CPNE4: variants seen among roughly 807,000 people sequenced by gnomAD.
CPNE4 encodes copine-4.
A neutral mutation model predicts 67.9 loss-of-function variants in CPNE4; 25 were observed. The observed-to-expected ratio is 0.37, with a 90% CI of 0.27 to 0.51. CPNE4 has a LOEUF of 0.51. Among genes scored for constraint, CPNE4 ranks in the 20% least tolerant of loss-of-function variants. The probability of loss-of-function intolerance (pLI) is 0.93; values close to 1 mark genes in which losing one functional copy is unlikely to be tolerated. For synonymous variants in CPNE4, 242 were observed against 244.9 expected (o/e 0.99, Z 0.11); for missense variants, 464 against 690.8 (o/e 0.67, Z 3.68).
intron 2 of CPNE4, among the ~76,000 whole-genome samples, chr3:131,773,803 CTG>C (rs745743985): frequency 3.3e-5 from 5 of 152,098 alleles, no homozygotes; most frequent in African/African-American, 1.2e-4. Flanking sequence ...TTTTTAATAA[CTG>C]TGAAATCTCG....
chr3:131,812,220 GAA>G (rs34281349), intron 2 of CPNE4, among the ~76,000 whole-genome samples: 15,364 of 135,088 alleles, frequency 0.11, 855 homozygotes, highest in East Asian at 0.18. Context: ...AAAATTGGAA[GAA>G]AAAAAAAAAA....
intron 6 of CPNE4, among the ~76,000 whole-genome samples, chr3:131,684,407 T>C (rs2080834514): frequency 6.6e-6 from 1 of 152,276 alleles, no homozygotes; most frequent in Admixed American, 6.5e-5. Context: ...TACATTGTTC[T>C]ATAGCATGCA....
chr3:131,965,582 C>T (rs910683653), intron 1 of CPNE4, among the ~76,000 whole-genome samples: 2 of 152,134 alleles, frequency 1.3e-5, no homozygotes, highest in Non-Finnish European at 2.9e-5. Flanking sequence ...ATGCTAGTCT[C>T]TGATAAAACA....
At position 131,792,156 on chromosome 3, in the gene CPNE4, C is replaced by T. The variant is rs544451373; in HGVS notation, c.181-68531G>A. Among the ~76,000 whole-genome samples, 8 of 152,026 alleles carry T rather than the reference C, an allele frequency of 5.3e-5. No homozygotes were observed. In the South Asian group the frequency reaches 1.5e-3, roughly 28 times the overall value. ...AACATGAAATGATATAGGGGTGTTG[C>T]CATTGAAAAGTTTATTCTTGCCCCC... On this transcript the variant is annotated intron_variant, in intron 2 of 15. Transcript: ENST00000429747.
In CPNE4 at chr3:131,547,455, C is replaced by CAAAAAAAAAAAAAAA. The variant is rs56412825; in HGVS notation, c.1302+2477_1302+2491dup. Among the ~76,000 whole-genome samples the CAAAAAAAAAAAAAAA allele has an allele frequency of 9.0e-4, 33 of 36,524 alleles. 15 individuals carry two copies. Among genetic ancestry groups the CAAAAAAAAAAAAAAA allele is most frequent in the African/African-American group, 1.7e-3 (20 of 11,662 alleles). The allele number at this position is 36,524 out of a possible 152,430, so 24.0% of individuals were successfully genotyped here. A position where few individuals can be genotyped will look rare whatever the true frequency, so the allele number is the denominator to read the frequency against. On this transcript the variant is annotated intron_variant, in intron 14 of 15. Coordinates refer to ENST00000429747, the MANE Select transcript of CPNE4 (RefSeq NM_130808.3). ...TGGGTGATAGACCAAGACCCTGTCG[C>CAAAAAAAAAAAAAAA]AAAAAAAAAAAAAAAAAAAAAAAAA... is the stretch of plus-strand genomic sequence containing the variant.
At chr3:131,902,997 G>A (rs905482120) in intron 2 of CPNE4, among the ~76,000 whole-genome samples, 5 of 152,084 alleles carry the variant, frequency 3.3e-5, no homozygotes, top group African/African-American at 1.2e-4. Context: ...TTCTGTGTAT[G>A]TTGACTCCTC....
chr3:131,886,454 G>A (rs963115579), intron 2 of CPNE4, among the ~76,000 whole-genome samples: 1 of 152,230 alleles, frequency 6.6e-6, no homozygotes, highest in African/African-American at 2.4e-5. Flanking sequence ...ATGTAGAAGA[G>A]AAATGTGGGG....
At chr3:131,605,901 A>C (rs1939472339) in intron 7 of CPNE4, among the ~76,000 whole-genome samples, 1 of 152,188 alleles carries the variant, frequency 6.6e-6, no homozygotes, top group African/African-American at 2.4e-5. Flanking sequence ...GAATAGTTTA[A>C]TATTTGGCCA....
At chr3:131,627,583 T>C (rs947460488) in intron 7 of CPNE4, among the ~76,000 whole-genome samples, 7 of 152,234 alleles carry the variant, frequency 4.6e-5, no homozygotes, top group Non-Finnish European at 8.8e-5. Flanking sequence ...CTGATGGATC[T>C]GGGCAAAGTA....
chr3:131,908,359 G>A (rs939856792), intron 1 of CPNE4, among the ~76,000 whole-genome samples: 2 of 152,156 alleles, frequency 1.3e-5, no homozygotes, highest in Admixed American at 6.6e-5. Context: ...AGCAAAGGGA[G>A]AAAAAGAATC....
At chr3:131,801,127 G>T (rs980309235) in intron 2 of CPNE4, among the ~76,000 whole-genome samples, 1 of 151,640 alleles carries the variant, frequency 6.6e-6, no homozygotes, top group Non-Finnish European at 1.5e-5. Context: ...GATACTCATG[G>T]GTAGCCTCCA....
intron 2 of CPNE4, among the ~76,000 whole-genome samples, chr3:131,738,868 T>TC (rs2082298353): frequency 6.6e-6 from 1 of 151,160 alleles, no homozygotes; most frequent in Non-Finnish European, 1.5e-5. Flanking sequence ...TTTTTTTTTT[T>TC]CTTAAGATGG....
chr3:132,000,241 AAGAT>A, intron 1 of CPNE4, among the ~76,000 whole-genome samples: 1 of 152,150 alleles, frequency 6.6e-6, no homozygotes, highest in South Asian at 2.1e-4. Context: ...TGGGCCCAGA[AAGAT>A]AGACAAATTT....
chr3:131,868,235 A>G (rs2087041250), intron 2 of CPNE4, among the ~76,000 whole-genome samples: 1 of 152,170 alleles, frequency 6.6e-6, no homozygotes, highest in African/African-American at 2.4e-5. Context: ...AGTAAAGCCT[A>G]TCTTTCCCAG....
intron 2 of CPNE4, among the ~76,000 whole-genome samples, chr3:131,900,213 T>C (rs1460344205): frequency 6.6e-6 from 1 of 151,834 alleles, no homozygotes; most frequent in Non-Finnish European, 1.5e-5. Flanking sequence ...GAAGAAGACA[T>C]ACAAATGGCA....
At chr3:131,848,980 A>AAC (rs1377485617) in intron 2 of CPNE4, among the ~76,000 whole-genome samples, 2 of 142,906 alleles carry the variant, frequency 1.4e-5, no homozygotes, top group African/African-American at 5.0e-5. Context: ...AAAAAAAAAA[A>AAC]AACACAGAGA....
intron 7 of CPNE4, among the ~76,000 whole-genome samples, chr3:131,618,391 T>C (rs1247962475): frequency 6.6e-6 from 1 of 152,236 alleles, no homozygotes; most frequent in Non-Finnish European, 1.5e-5. Context: ...TATGACTTTT[T>C]TGTGGGGAGA....
intron 1 of CPNE4, among the ~76,000 whole-genome samples, chr3:131,906,202 G>GA (rs371870033): frequency 7.0e-6 from 1 of 143,386 alleles, no homozygotes; most frequent in Non-Finnish European, 1.5e-5. Context: ...TTTATTTTTT[G>GA]TTTTTTTTTG....
chr3:131,549,846 G>T (rs2107642129), intron 14 of CPNE4, 101 bp downstream of exon 14: 1 of 1,326,898 alleles, frequency 7.5e-7, no homozygotes, highest in Non-Finnish European at 1.1e-6. Flanking sequence ...CACACAGGGA[G>T]AAGTGTTGGA....
Sources: allele counts gnomAD v4.1 joint callset (sites outside exome capture counted in the v4.1 genomes callset), GRCh38; gene constraint gnomAD v4.1.1; transcripts MANE v1.5; gene names NCBI Gene and HGNC (gene_info 2026-07-23, HGNC 2026-07-21).